Variants in SAMSN1 observed in about 807,000 individuals in gnomAD.
SAMSN1 encodes the protein SAM domain, SH3 domain and nuclear localization signals 1, also known as SAM domain-containing protein SAMSN-1.
SAMSN1 carries 31 observed loss-of-function variants against 42.0 expected under a neutral mutation model. The observed-to-expected ratio is 0.74, with a 90% CI of 0.55 to 1.00. The LOEUF is 1.00. SAMSN1 is among the 50% of genes least tolerant of loss of function. The pLI, the probability that SAMSN1 is intolerant of heterozygous loss-of-function variation, is 0.00. For synonymous variants in SAMSN1, 178 were observed against 151.9 expected, an observed-to-expected ratio of 1.17 and a Z score of -1.26; for missense variants, 464 against 439.4, an observed-to-expected ratio of 1.06 and a Z score of -0.50.
intron 2 of SAMSN1, among the ~76,000 whole-genome samples, chr21:14,520,063 T>C (rs928938096): frequency 1.4e-4 from 21 of 152,246 alleles, no homozygotes; most frequent in Non-Finnish European, 4.4e-5. Flanking sequence ...ATGTTATAAA[T>C]AGGTAAATTG....
chr21:14,527,760 TAA>T lies in SAMSN1; in HGVS notation c.58-6541_58-6540del, dbSNP rs71183427. Among the ~76,000 whole-genome samples the T allele has an allele frequency of 5.0e-3, 540 of 107,844 alleles. 4 individuals are homozygous for T. Among genetic ancestry groups the T allele is most frequent in the Middle Eastern group, 0.027 (5 of 186 alleles). 70.7% of individuals were successfully genotyped at this position (107,844 alleles called of 152,430 possible). ...TTACCTGAAGGAAAGAAACTAGAAC[TAA>T]AAAAAAAAAAAAAAAAAAAAATGCA... On this transcript the variant is annotated intron_variant, in intron 1 of 7. Coordinates refer to ENST00000400566, the MANE Select transcript of SAMSN1 (RefSeq NM_022136.5).
upstream of SAMSN1, among the ~76,000 whole-genome samples, chr21:14,586,482 T>C (rs937806846): frequency 6.6e-6 from 1 of 152,088 alleles, no homozygotes; most frequent in African/African-American, 2.4e-5. Context: ...TAAACTTTTA[T>C]TTGAGCACCT....
At chr21:14,497,870 A>T (rs983842701) in intron 7 of SAMSN1, among the ~76,000 whole-genome samples, 1 of 152,192 alleles carries the variant, frequency 6.6e-6, no homozygotes, top group East Asian at 1.9e-4. Flanking sequence ...TATTCTGTAA[A>T]TCTCCAAGAT....
At chr21:14,656,684 A>G (rs1983921923) in intron 1 of SAMSN1, among the ~76,000 whole-genome samples, 1 of 151,830 alleles carries the variant, frequency 6.6e-6, no homozygotes, top group African/African-American at 2.4e-5. Flanking sequence ...ATCACCTTTA[A>G]TGGATTATTT....
chr21:14,604,245 A>G (rs1465802511), intron 5 of SAMSN1, among the ~76,000 whole-genome samples: 1 of 152,216 alleles, frequency 6.6e-6, no homozygotes, highest in Non-Finnish European at 1.5e-5. Flanking sequence ...TATTTTCCAA[A>G]GTTGGCCACA....
At chr21:14,649,645 C>T (rs1983792832) in intron 1 of SAMSN1, among the ~76,000 whole-genome samples, 1 of 151,958 alleles carries the variant, frequency 6.6e-6, no homozygotes, top group Non-Finnish European at 1.5e-5. Flanking sequence ...TGGCACACAC[C>T]TGTAATCCCA....
At chr21:14,618,661 TG>T (rs1982908171) in intron 2 of SAMSN1, among the ~76,000 whole-genome samples, 10 of 55,096 alleles carry the variant, frequency 1.8e-4, no homozygotes, top group African/African-American at 1.4e-3. Flanking sequence ...TGTGTATGTG[TG>T]TGTGTGTGTG....
intron 1 of SAMSN1, 103 bp from the exon 2 acceptor site, chr21:14,521,324 A>G (rs1568784211): frequency 2.8e-6 from 2 of 703,780 alleles, no homozygotes; most frequent in East Asian, 5.6e-5. Flanking sequence ...CGTCTCTTGC[A>G]AATACAGGCT....
intron 6 of SAMSN1, chr21:14,601,999 G>A (rs1440575376): frequency 1.3e-5 from 9 of 675,164 alleles, no homozygotes; most frequent in African/African-American, 9.0e-5. Context: ...CACAAAACAC[G>A]CAAATGCTGA....
chr21:14,508,357 GA>G (rs113146265), intron 5 of SAMSN1, among the ~76,000 whole-genome samples: 12 of 149,034 alleles, frequency 8.1e-5, no homozygotes, highest in South Asian at 6.4e-4. Flanking sequence ...AAATCAACAA[GA>G]AAAAAAAACA....
chr21:14,649,143 C>T (rs1424779104), intron 1 of SAMSN1, among the ~76,000 whole-genome samples: 3 of 151,916 alleles, frequency 2.0e-5, no homozygotes, highest in East Asian at 3.9e-4. Flanking sequence ...AATTGGAAAT[C>T]ATCATTGTCA....
intron 1 of SAMSN1, among the ~76,000 whole-genome samples, chr21:14,535,532 T>C (rs939700076): frequency 6.6e-6 from 1 of 152,108 alleles, no homozygotes; most frequent in Non-Finnish European, 1.5e-5. Context: ...CTGAATTGAC[T>C]CCCACAAATT....
intron 2 of SAMSN1, among the ~76,000 whole-genome samples, chr21:14,572,307 TG>T (rs1193024307): frequency 6.6e-6 from 1 of 152,186 alleles, no homozygotes; most frequent in African/African-American, 2.4e-5. Context: ...GTTTTCCATT[TG>T]GTAGATAAGA....
chr21:14,594,138 CA>C lies in SAMSN1; in HGVS notation c.400-61del, dbSNP rs1416610834. On this transcript the variant is annotated intron_variant, in intron 6 of 15. Transcript: ENST00000647101. ...TGTTAACATTCTTTAAAAAACAAAA[CA>C]AAAAAACTCCACAAAGCTACCAAAC... 9 of 627,696 alleles carry C rather than the reference CA, an allele frequency of 1.4e-5. No homozygotes were observed. The East Asian group carries it at 1.9e-4, about 14-fold the overall frequency. The allele number at this position is 627,696 out of a possible 1,614,324, so 38.9% of individuals were successfully genotyped here. A position where few individuals can be genotyped will look rare whatever the true frequency, so the allele number is the denominator to read the frequency against.
rs1348036364 is a variant in SAMSN1 at position 14,561,988 on chromosome 21, C to G, written c.261+20148G>C. ...GCCCTGCCAATACCTTGATTTTGGA[C>G]TTTTAGCCTCCAGAACTGAGACAAT... On this transcript the variant is annotated intron_variant, in intron 2 of 8. Transcript: ENST00000285670. 2.6e-5 allele frequency among the ~76,000 whole-genome samples: 4 copies of G among 152,226 alleles called. No individual in the cohort carries two copies. In the East Asian group the frequency reaches 7.7e-4, roughly 29 times the overall value.
intron 7 of SAMSN1, among the ~76,000 whole-genome samples, chr21:14,590,327 G>A (rs1178534362): frequency 6.6e-6 from 1 of 151,852 alleles, no homozygotes; most frequent in Non-Finnish European, 1.5e-5. Flanking sequence ...CTGGAGGCTG[G>A]CGTGCATTTG....
intron 2 of SAMSN1, among the ~76,000 whole-genome samples, chr21:14,616,981 G>A (rs1982855413): frequency 6.6e-6 from 1 of 152,122 alleles, no homozygotes; most frequent in Non-Finnish European, 1.5e-5. Context: ...TATTTTGTTT[G>A]TATCAAGATT....
upstream of SAMSN1, among the ~76,000 whole-genome samples, chr21:14,587,770 A>T (rs410429): frequency 0.61 from 91,322 of 150,924 alleles, 28,257 homozygotes; most frequent in Admixed American, 0.7. Context: ...TTTATTTTTT[A>T]AATTTTTTTT....
At chr21:14,574,391 A>G (rs1280014554) in intron 2 of SAMSN1, among the ~76,000 whole-genome samples, 1 of 152,236 alleles carries the variant, frequency 6.6e-6, no homozygotes, top group African/African-American at 2.4e-5. Context: ...TATCAATTCA[A>G]CTTTCTCCTT....
Sources: allele counts gnomAD v4.1 joint callset (sites outside exome capture counted in the v4.1 genomes callset), GRCh38; gene constraint gnomAD v4.1.1; transcripts MANE v1.5; gene names NCBI Gene and HGNC (gene_info 2026-07-23, HGNC 2026-07-21).